Variants in TMEM196 observed in about 807,000 individuals in gnomAD.
TMEM196 encodes transmembrane protein 196.
In TMEM196, 17 loss-of-function variants were observed where a neutral mutation model predicts 20.0. That is an observed-to-expected ratio of 0.85 (90% confidence interval 0.58 to 1.27). The LOEUF (loss-of-function observed/expected upper bound fraction) is 1.27. Ranked by LOEUF, TMEM196 falls within the 50% of genes most tolerant of loss-of-function variation. TMEM196 has a pLI of 0.00. For synonymous variants in TMEM196, 113 were observed against 88.9 expected, an observed-to-expected ratio of 1.27 and a Z score of -1.52; for missense variants, 267 against 223.0, an observed-to-expected ratio of 1.20 and a Z score of -1.26.
chr7:19,723,609 G>T (rs778885022), intron 4 of TMEM196, among the ~76,000 whole-genome samples: 1 of 152,120 alleles, frequency 6.6e-6, no homozygotes, highest in Non-Finnish European at 1.5e-5. Flanking sequence ...TTGCAAATAG[G>T]CATGCTTAAT....
intron 1 of TMEM196, among the ~76,000 whole-genome samples, chr7:19,737,095 CTG>C: frequency 6.6e-6 from 1 of 151,820 alleles, no homozygotes; most frequent in East Asian, 1.9e-4. Context: ...GGGAAATAAA[CTG>C]AAATTAAACA....
In TMEM196 at chr7:19,722,132, T is replaced by A. The variant is rs61738917; in HGVS notation, c.536A>T (p.Lys179Ile). The A allele has an allele frequency of 1.1e-4, 177 of 1,607,734 alleles. No individual in the cohort carries two copies. In the East Asian group the frequency reaches 4.0e-3, roughly 36 times the overall value. ...CTCCATTGCTCATGTTGTCTGTTAT[T>A]TCCTGTTAGAAAAATGACATGATTA... is the stretch of plus-strand genomic sequence containing the variant. The part of the protein sequence containing the change: ...VPPTPELPTR[K>I] Residue 179 changes from lysine to isoleucine, a missense_variant and splice_region_variant, in exon 5 of 5, where the codon AAA becomes ATA. Transcript: ENST00000405844.
At chr7:19,731,557 C>T (rs1337973745) in intron 1 of TMEM196, among the ~76,000 whole-genome samples, 1 of 152,210 alleles carries the variant, frequency 6.6e-6, no homozygotes, top group Non-Finnish European at 1.5e-5. Context: ...TCCTGAAAGT[C>T]CCATTTATCC....
chr7:19,729,558 C>T (rs1784124263), intron 1 of TMEM196, 120 bp from the exon 2 acceptor site: 10 of 875,846 alleles, frequency 1.1e-5, no homozygotes, highest in Non-Finnish European at 1.7e-5. Context: ...AAATTTCCTT[C>T]AAAACCTGGA....
intron 1 of TMEM196, among the ~76,000 whole-genome samples, chr7:19,751,955 T>A (rs779835067): frequency 2.6e-5 from 4 of 152,158 alleles, no homozygotes; most frequent in Non-Finnish European, 4.4e-5. Context: ...TTAACAAGAT[T>A]TCAAGGATTG....
intron 1 of TMEM196, among the ~76,000 whole-genome samples, chr7:19,760,982 C>G (rs548098335): frequency 6.6e-6 from 1 of 152,326 alleles, no homozygotes; most frequent in East Asian, 1.9e-4. Context: ...CATCCCAACC[C>G]AGTGTGGACT....
intron 1 of TMEM196, among the ~76,000 whole-genome samples, chr7:19,747,117 T>C (rs974056065): frequency 3.3e-5 from 5 of 150,644 alleles, no homozygotes; most frequent in South Asian, 4.2e-4. Flanking sequence ...TAGCCGGGCG[T>C]AGTGGCGGGC....
chr7:19,750,188 C>A (rs988237839), intron 1 of TMEM196, among the ~76,000 whole-genome samples: 1 of 152,142 alleles, frequency 6.6e-6, no homozygotes, highest in African/African-American at 2.4e-5. Flanking sequence ...TAAGAGTCAG[C>A]AAAACTTCCC....
chr7:19,769,479 C>A (rs1046702089), intron 1 of TMEM196, among the ~76,000 whole-genome samples: 3 of 152,082 alleles, frequency 2.0e-5, no homozygotes, highest in Non-Finnish European at 4.4e-5. Flanking sequence ...TCCTGGGCCA[C>A]AACCCAACCT....
chr7:19,772,984 T>C lies in TMEM196; in HGVS notation c.-288A>G. 3.7e-6 allele frequency: 1 copy of C among 273,926 alleles called. No individual in the cohort carries two copies. The highest frequency in any genetic ancestry group is 1.6e-4 in the South Asian group (1 of 6,176). 17.0% of individuals were successfully genotyped at this position (273,926 alleles called of 1,614,324 possible). A position where few individuals can be genotyped will look rare whatever the true frequency, so the allele number is the denominator to read the frequency against. ...GATTGCACACCGGTACCGGGGCTTT[T>C]AAGCAGCGGAAAACCTGGAGGAGCC... On this transcript the variant is annotated 5_prime_UTR_variant, in exon 1 of 5. Transcript: ENST00000405844.
chr7:19,755,884 C>G (rs1039019800), intron 1 of TMEM196, among the ~76,000 whole-genome samples: 1 of 152,074 alleles, frequency 6.6e-6, no homozygotes, highest in South Asian at 2.1e-4. Flanking sequence ...TAAAAATTAA[C>G]CAGGCATGCT....
At position 19,720,020 on chromosome 7, in the gene TMEM196, T is replaced by A. The variant is rs1218658369; in HGVS notation, c.*2108A>T. ...ATGCTACTGAAAATTAGAGTCAGTG[T>A]TTATTCTTTCAGTACAAAACTACAT... is the stretch of plus-strand genomic sequence containing the variant. On this transcript the variant is annotated 3_prime_UTR_variant, in exon 5 of 5. Transcript: ENST00000405844. The A allele has an allele frequency of 1.3e-5, 2 of 152,114 alleles. No individual in the cohort carries two copies. The highest frequency in any genetic ancestry group is 4.8e-5 in the African/African-American group (2 of 41,454). 9.4% of individuals were successfully genotyped at this position (152,114 alleles called of 1,614,324 possible). A position where few individuals can be genotyped will look rare whatever the true frequency, so the allele number is the denominator to read the frequency against.
intron 1 of TMEM196, among the ~76,000 whole-genome samples, chr7:19,734,075 C>A (rs551915080): frequency 1.3e-3 from 201 of 151,888 alleles, no homozygotes; most frequent in African/African-American, 4.7e-3. Context: ...GCACTCACAT[C>A]AAAAAAAATT....
chr7:19,767,116 C>T lies in TMEM196; in HGVS notation c.147+5434G>A, dbSNP rs1785662557. Among the ~76,000 whole-genome samples the T allele has an allele frequency of 6.6e-5, 10 of 152,164 alleles. No homozygotes were observed. In the South Asian group the frequency reaches 2.1e-3, roughly 32 times the overall value. On this transcript the variant is annotated intron_variant, in intron 1 of 4. Coordinates refer to ENST00000405844, the MANE Select transcript of TMEM196 (RefSeq NM_001363562.2). Reference sequence around the variant, plus strand: ...ACAAAAATCTCAAAGCAGATTTTGTCATGGACTTTGGATAGAAATTCCAGT... The same window carrying T: ...ACAAAAATCTCAAAGCAGATTTTGTTATGGACTTTGGATAGAAATTCCAGT...
At chr7:19,735,230 A>G (rs1784355723) in intron 1 of TMEM196, among the ~76,000 whole-genome samples, 1 of 152,202 alleles carries the variant, frequency 6.6e-6, no homozygotes, top group Admixed American at 6.6e-5. Context: ...AACAAAGATT[A>G]AACCAACAGG....
At chr7:19,726,083 T>C (rs528733849) in intron 2 of TMEM196, among the ~76,000 whole-genome samples, 1 of 152,330 alleles carries the variant, frequency 6.6e-6, no homozygotes, top group Admixed American at 6.5e-5. Context: ...TAGATTCAGA[T>C]TTAAATATTT....
At chr7:19,741,433 C>T (rs1784577890) in intron 1 of TMEM196, among the ~76,000 whole-genome samples, 1 of 152,110 alleles carries the variant, frequency 6.6e-6, no homozygotes, top group East Asian at 1.9e-4. Context: ...TCAATTTCAG[C>T]CAATTTTAAG....
chr7:19,761,121 C>A (rs536829421), intron 1 of TMEM196, among the ~76,000 whole-genome samples: 1 of 152,190 alleles, frequency 6.6e-6, no homozygotes, highest in East Asian at 1.9e-4. Flanking sequence ...CCTTCCTTGC[C>A]TTTATTAGAC....
rs553804905 is a variant in TMEM196, at chr7:19,772,476, C to G, written c.147+74G>C. 1.7e-5 allele frequency: 23 copies of G among 1,388,248 alleles called. No individual in the cohort carries two copies. The East Asian group carries it at 5.7e-4, about 34-fold the overall frequency. The allele number at this position is 1,388,248 out of a possible 1,614,324, so 86.0% of individuals were successfully genotyped here. ...TCCCAGGGAGGGAGTGACTAATGCGCGCACCCTGACCATCACCGTAAAGAG... is the reference window on the plus strand; with the variant it reads ...TCCCAGGGAGGGAGTGACTAATGCGGGCACCCTGACCATCACCGTAAAGAG... On this transcript the variant is annotated intron_variant, in intron 1 of 4. Transcript: ENST00000405844.
Sources: allele counts gnomAD v4.1 joint callset (sites outside exome capture counted in the v4.1 genomes callset), GRCh38; gene constraint gnomAD v4.1.1; transcripts MANE v1.5; gene names NCBI Gene and HGNC (gene_info 2026-07-23, HGNC 2026-07-21).